DPYSL5: variants seen among roughly 807,000 people sequenced by gnomAD.
DPYSL5 encodes dihydropyrimidinase-related protein 5.
A neutral mutation model predicts 58.4 loss-of-function variants in DPYSL5; 9 were observed. That is an observed-to-expected ratio of 0.15 (90% CI 0.09 to 0.27). DPYSL5 has a LOEUF of 0.27. Among genes scored for constraint, DPYSL5 ranks in the 10% least tolerant of loss-of-function variants. DPYSL5 has a pLI of 1.00. For synonymous variants in DPYSL5, 293 were observed against 301.9 expected, an observed-to-expected ratio of 0.97 and a Z score of 0.31; for missense variants, 499 against 770.6, an observed-to-expected ratio of 0.65 and a Z score of 4.17.
In DPYSL5 at chr2:26,941,887, G is replaced by T. The variant is rs1665330063; in HGVS notation, c.1090-63G>T. 2.5e-6 allele frequency: 4 copies of T among 1,607,990 alleles called. No individual in the cohort carries two copies. The South Asian group carries it at 3.3e-5, about 13-fold the overall frequency. On this transcript the variant is annotated intron_variant, in intron 9 of 12. Coordinates refer to ENST00000288699, the MANE Select transcript of DPYSL5 (RefSeq NM_020134.4). ...AAGTCCATGGGCCAGCATCAAAGGT[G>T]ACCAAGGGTTTGAGACCCACCCCCA...
chr2:26,909,082 G>A (rs1229327996), intron 2 of DPYSL5, among the ~76,000 whole-genome samples: 1 of 152,152 alleles, frequency 6.6e-6, no homozygotes, highest in Non-Finnish European at 1.5e-5. Flanking sequence ...AATTTGCGTA[G>A]GTGCCAGATC....
In DPYSL5 at chr2:26,934,533, G is replaced by C. The variant is rs763234792; in HGVS notation, c.791-45G>C. 6.3e-7 allele frequency: 1 copy of C among 1,593,944 alleles called. No individual in the cohort carries two copies. The highest frequency in any genetic ancestry group is 8.6e-7 in the Non-Finnish European group (1 of 1,169,190). ...AGAGGCACACACCAGCGATCGCTCA[G>C]GTTCGGTGGCTTCCTGGTTATGGTT... On this transcript the variant is annotated intron_variant, in intron 7 of 12. Transcript: ENST00000288699. This position sits in a 1 kb window ranked among gnomAD's most constrained non-coding sequence, Gnocchi z 4.3.
intron 9 of DPYSL5, 43 bp from the exon 10 acceptor site, chr2:26,941,906 AC>A (rs2148176140): frequency 5.6e-6 from 9 of 1,612,708 alleles, no homozygotes; most frequent in Non-Finnish European, 7.6e-6. Flanking sequence ...TTTGAGACCC[AC>A]CCCCAGAGCC....
At chr2:26,891,175 A>G (rs1175250911) in intron 1 of DPYSL5, among the ~76,000 whole-genome samples, 2 of 152,228 alleles carry the variant, frequency 1.3e-5, no homozygotes, top group African/African-American at 4.8e-5. Flanking sequence ...GGGGGCAATG[A>G]TGGTACCTAT....
At chr2:26,945,062 G>A (rs1034363420) in intron 12 of DPYSL5, among the ~76,000 whole-genome samples, 37 of 152,084 alleles carry the variant, frequency 2.4e-4, no homozygotes, top group African/African-American at 7.5e-4. Flanking sequence ...GGCTCTGCTC[G>A]GGGTTTCTAA....
At chr2:26,885,507 T>C (rs1240055846) in intron 1 of DPYSL5, among the ~76,000 whole-genome samples, 1 of 152,048 alleles carries the variant, frequency 6.6e-6, no homozygotes, top group East Asian at 1.9e-4. Context: ...TCCCCCAAAA[T>C]GGCACCTGCC....
At chr2:26,909,521 C>T (rs569457645) in intron 2 of DPYSL5, among the ~76,000 whole-genome samples, 1 of 152,252 alleles carries the variant, frequency 6.6e-6, no homozygotes, top group East Asian at 1.9e-4. Context: ...AATCCCAAAG[C>T]TTTGGGAGGC....
At chr2:26,936,026 T>C (rs7602411) in intron 8 of DPYSL5, among the ~76,000 whole-genome samples, 147,743 of 152,314 alleles carry the variant, frequency 0.97, 71,830 homozygotes, top group East Asian at 1. Context: ...TAGCCCACAG[T>C]CCAGGCAAGG....
chr2:26,909,400 T>C (rs1664375625), intron 2 of DPYSL5, among the ~76,000 whole-genome samples: 1 of 152,140 alleles, frequency 6.6e-6, no homozygotes, highest in East Asian at 1.9e-4. Context: ...CTACCCCTAA[T>C]TCATAAATAA....
At chr2:26,887,618 A>T (rs897495862) in intron 1 of DPYSL5, among the ~76,000 whole-genome samples, 1 of 152,222 alleles carries the variant, frequency 6.6e-6, no homozygotes, top group Admixed American at 6.5e-5. Flanking sequence ...GATGCTTCCT[A>T]TGCAGTTCTG....
rs62130478 is a variant in DPYSL5, at chr2:26,946,552, A to T, written c.1610-358A>T. Reference sequence around the variant, plus strand: ...ATACCCTCATTTTTCTCTCTCGCTTACTCACTGAGGCATATGTACAAAGGC... The same window carrying T: ...ATACCCTCATTTTTCTCTCTCGCTTTCTCACTGAGGCATATGTACAAAGGC... On this transcript the variant is annotated intron_variant, in intron 12 of 12. Coordinates refer to ENST00000288699, the MANE Select transcript of DPYSL5 (RefSeq NM_020134.4). Among the ~76,000 whole-genome samples the T allele has an allele frequency of 1.3e-3, 192 of 151,556 alleles. 1 individual carries two copies. The highest frequency in any genetic ancestry group is 2.3e-3 in the Non-Finnish European group (155 of 67,898).
chr2:26,862,970 G>A (rs1216713147), intron 1 of DPYSL5, among the ~76,000 whole-genome samples: 1 of 152,048 alleles, frequency 6.6e-6, no homozygotes, highest in Non-Finnish European at 1.5e-5. Flanking sequence ...TTGTTGAGGT[G>A]CCCTCCCCTT....
intron 1 of DPYSL5, among the ~76,000 whole-genome samples, chr2:26,875,300 G>C (rs1285097685): frequency 1.3e-5 from 2 of 152,204 alleles, no homozygotes; most frequent in Non-Finnish European, 2.9e-5. Flanking sequence ...GCAGCCATTG[G>C]GTAACCCAAG....
intron 1 of DPYSL5, among the ~76,000 whole-genome samples, chr2:26,882,633 G>C (rs1663604108): frequency 6.6e-6 from 1 of 152,156 alleles, no homozygotes; most frequent in Non-Finnish European, 1.5e-5. Context: ...GAGAGTGGTG[G>C]CTCATGCCTA....
intron 11 of DPYSL5, among the ~76,000 whole-genome samples, chr2:26,943,193 C>CCTGA (rs1344672835): frequency 6.6e-6 from 1 of 152,100 alleles, no homozygotes; most frequent in East Asian, 1.9e-4. Flanking sequence ...GGAGCAGGCA[C>CCTGA]CTGAACACGG....
chr2:26,882,055 C>T (rs1313141060), intron 1 of DPYSL5, among the ~76,000 whole-genome samples: 1 of 138,014 alleles, frequency 7.2e-6, no homozygotes, highest in African/African-American at 2.8e-5. Flanking sequence ...CACACCACTG[C>T]ACTCCAGCCT....
intron 6 of DPYSL5, among the ~76,000 whole-genome samples, chr2:26,932,101 AAG>A (rs1665017139): frequency 1.4e-5 from 2 of 143,266 alleles, no homozygotes; most frequent in African/African-American, 5.2e-5. Context: ...AAGAAAGAGA[AAG>A]AAAGAAAAGA....
rs146599434 is a variant in DPYSL5, at chr2:26,889,693, G to C, written c.-4-8803G>C. On this transcript the variant is annotated intron_variant, in intron 1 of 12. Coordinates refer to ENST00000288699, the MANE Select transcript of DPYSL5 (RefSeq NM_020134.4). ...TGCTTAAGAACCTGCATAGCGTAGG[G>C]AAAAAAAAAAAAAGCCTGTATCACA... 8.1e-4 allele frequency among the ~76,000 whole-genome samples: 113 copies of C among 139,422 alleles called. No individual in the cohort carries two copies. The East Asian group carries it at 0.022, about 27-fold the overall frequency. The allele number at this position is 139,422 out of a possible 152,430, so 91.5% of individuals were successfully genotyped here. A position where few individuals can be genotyped will look rare whatever the true frequency, so the allele number is the denominator to read the frequency against.
intron 1 of DPYSL5, among the ~76,000 whole-genome samples, chr2:26,874,733 G>T (rs1663367521): frequency 6.6e-6 from 1 of 152,234 alleles, no homozygotes; most frequent in Non-Finnish European, 1.5e-5. Flanking sequence ...TGCGTTCTGG[G>T]AGGTGGTGAG....
Sources: allele counts gnomAD v4.1 joint callset (sites outside exome capture counted in the v4.1 genomes callset), GRCh38; gene constraint gnomAD v4.1.1; non-coding constraint Gnocchi (gnomAD v3.1); transcripts MANE v1.5; gene names NCBI Gene and HGNC (gene_info 2026-07-23, HGNC 2026-07-21).